Variants in FER1L6 observed in about 807,000 individuals in gnomAD.
FER1L6 encodes fer-1 like family member 6.
FER1L6 carries 177 observed loss-of-function variants against 219.2 expected under a neutral mutation model. The ratio of observed to expected loss-of-function variants is 0.81; its 90% CI spans 0.71 to 0.91. FER1L6 has a LOEUF of 0.91. Ranked by LOEUF, FER1L6 falls within the 40% of genes least tolerant of loss-of-function variation. The pLI, the probability that FER1L6 is intolerant of heterozygous loss-of-function variation, is 0.00. For missense variants in FER1L6, 2,153 were observed against 2,259.9 expected (o/e 0.95, Z 0.96); for synonymous variants, 768 against 824.3 (o/e 0.93, Z 1.17).
At chr8:123,957,820 G>C (rs1055563109) in intron 2 of FER1L6, among the ~76,000 whole-genome samples, 1 of 152,152 alleles carries the variant, frequency 6.6e-6, no homozygotes, top group African/African-American at 2.4e-5. Flanking sequence ...AACAGGGCAG[G>C]GAGGAATCAG....
At chr8:123,930,402 G>A (rs1334673402) in intron 1 of FER1L6, among the ~76,000 whole-genome samples, 1 of 151,392 alleles carries the variant, frequency 6.6e-6, no homozygotes, top group Non-Finnish European at 1.5e-5. Flanking sequence ...TAATATATTT[G>A]TGTTATATGA....
intron 1 of FER1L6, among the ~76,000 whole-genome samples, chr8:123,870,970 G>A (rs1816913694): frequency 6.6e-6 from 1 of 152,134 alleles, no homozygotes; most frequent in Non-Finnish European, 1.5e-5. Flanking sequence ...TGATAAAGTT[G>A]TTTCCCATGG....
At chr8:124,101,768 T>A (rs889808639) in intron 38 of FER1L6, among the ~76,000 whole-genome samples, 1 of 152,202 alleles carries the variant, frequency 6.6e-6, no homozygotes, top group South Asian at 2.1e-4. Flanking sequence ...TAGAAGTTTA[T>A]TTTGCCAAGA....
At chr8:124,020,300 T>C (rs1818403512) in intron 16 of FER1L6, among the ~76,000 whole-genome samples, 1 of 152,184 alleles carries the variant, frequency 6.6e-6, no homozygotes, top group Admixed American at 6.5e-5. Context: ...GTCTTGGATA[T>C]GTCTTTATTA....
At chr8:123,857,406 A>T (rs1460156040) in intron 1 of FER1L6, among the ~76,000 whole-genome samples, 1 of 152,182 alleles carries the variant, frequency 6.6e-6, no homozygotes, top group Non-Finnish European at 1.5e-5. Context: ...GCTACTCAGG[A>T]GGCTGAGGCA....
At chr8:123,993,441 C>CA (rs758672519) in intron 12 of FER1L6, among the ~76,000 whole-genome samples, 2,052 of 51,632 alleles carry the variant, frequency 0.04, 31 homozygotes, top group African/African-American at 0.065. Flanking sequence ...GACTCCGTCT[C>CA]AAAAAAAAAA....
chr8:123,898,814 T>G (rs188756381), intron 1 of FER1L6, among the ~76,000 whole-genome samples: 4 of 144,012 alleles, frequency 2.8e-5, no homozygotes, highest in African/African-American at 1.0e-4. Context: ...CACATATATA[T>G]ACATATGTGT....
chr8:123,897,613 T>C (rs886209210), intron 1 of FER1L6, among the ~76,000 whole-genome samples: 1 of 152,256 alleles, frequency 6.6e-6, no homozygotes, highest in Non-Finnish European at 1.5e-5. Flanking sequence ...ATGGCACAAC[T>C]TCAAGGACAG....
chr8:123,866,335 C>T (rs150014208), intron 1 of FER1L6, among the ~76,000 whole-genome samples: 4,891 of 151,188 alleles, frequency 0.032, 262 homozygotes, highest in African/African-American at 0.11. Flanking sequence ...ATATACACTA[C>T]GTATATAAAA....
chr8:124,068,295 T>C (rs1014920496), intron 28 of FER1L6, among the ~76,000 whole-genome samples: 2 of 152,190 alleles, frequency 1.3e-5, no homozygotes, highest in African/African-American at 4.8e-5. Context: ...CATTTGACGA[T>C]GATAGAAGTG....
Position 124,097,851 on chromosome 8 carries a change from A to G in FER1L6, c.4851A>G (p.Thr1617=), listed in dbSNP as rs1031567113. Residue 1617 remains threonine (T), a synonymous_variant, in exon 37 of 41, where the codon ACA becomes ACG. Coordinates refer to ENST00000522917, the MANE Select transcript of FER1L6 (RefSeq NM_001039112.2). ...TTTTAGAGGATGAGAATATCTTCACAGGCCAAAAATCAAGTGATATTTATG... is the reference window on the plus strand; with the variant it reads ...TTTTAGAGGATGAGAATATCTTCACGGGCCAAAAATCAAGTGATATTTATG... ...DVILEDENIF[T]GQKSSDIYVK... is the part of the protein sequence containing the mutation. 1 of 1,601,754 alleles carries G rather than the reference A, an allele frequency of 6.2e-7. No individual in the cohort carries two copies. Among genetic ancestry groups the G allele is most frequent in the Non-Finnish European group, 8.6e-7 (1 of 1,168,710 alleles).
chr8:123,970,413 A>G (rs1479770395), intron 6 of FER1L6, among the ~76,000 whole-genome samples: 1 of 152,106 alleles, frequency 6.6e-6, no homozygotes, highest in African/African-American at 2.4e-5. Context: ...ATGCATTGTC[A>G]GTTTTAGTTT....
At chr8:123,900,251 G>T (rs4870874) in intron 1 of FER1L6, among the ~76,000 whole-genome samples, 32,253 of 151,726 alleles carry the variant, frequency 0.21, 3,802 homozygotes, top group East Asian at 0.43. Context: ...ATATATATTT[G>T]CAGCTATTCT....
chr8:124,061,036 CTA>C (rs1438110489), intron 24 of FER1L6, among the ~76,000 whole-genome samples: 1 of 152,202 alleles, frequency 6.6e-6, no homozygotes, highest in Non-Finnish European at 1.5e-5. Context: ...GAGTTAGAAA[CTA>C]TTGCAGGGAA....
intron 32 of FER1L6, among the ~76,000 whole-genome samples, chr8:124,080,111 T>C (rs73330149): frequency 0.035 from 5,264 of 152,206 alleles, 287 homozygotes; most frequent in African/African-American, 0.12. Context: ...AAAGAATGAA[T>C]GAATGACCAA....
At chr8:123,932,342 C>A (rs541508567) in intron 1 of FER1L6, among the ~76,000 whole-genome samples, 4 of 152,310 alleles carry the variant, frequency 2.6e-5, no homozygotes, top group Non-Finnish European at 4.4e-5. Flanking sequence ...CTCCTGACCT[C>A]AGGTGATCCA....
rs1400825574 is a variant in FER1L6, at chr8:124,053,716, G to C, written c.2874+3960G>C. ...TCTACAAAACATAAAAATTCAGCCG[G>C]GTGTGATGGCACATGCTCATGGTGC... On this transcript the variant is annotated intron_variant, in intron 22 of 40. Transcript: ENST00000522917. 2.0e-5 allele frequency among the ~76,000 whole-genome samples: 3 copies of C among 152,184 alleles called. No homozygotes were observed. In the East Asian group the frequency reaches 5.8e-4, roughly 29 times the overall value.
chr8:123,958,246 C>T (rs1351357453), intron 2 of FER1L6, among the ~76,000 whole-genome samples: 2 of 152,192 alleles, frequency 1.3e-5, no homozygotes, highest in Admixed American at 6.5e-5. Context: ...CTGTTCAGGA[C>T]TCTTCTGTTT....
rs372204835 is a variant in FER1L6, at chr8:124,119,480, C to T, written c.5391-127C>T. On this transcript the variant is annotated intron_variant, in intron 40 of 40. Transcript: ENST00000522917. ...CTCCTGCTTCAGGCAACATGCTCTTCTCCCATTTTCAGGGCTCTCCCTATG... is the reference window on the plus strand; with the variant it reads ...CTCCTGCTTCAGGCAACATGCTCTTTTCCCATTTTCAGGGCTCTCCCTATG... 812 of 685,464 alleles carry T rather than the reference C, an allele frequency of 1.2e-3. 3 individuals are homozygous for T. The highest frequency in any genetic ancestry group is 2.1e-3 in the Middle Eastern group (6 of 2,888). The allele number at this position is 685,464 out of a possible 1,614,324, so 42.5% of individuals were successfully genotyped here. A position where few individuals can be genotyped will look rare whatever the true frequency, so the allele number is the denominator to read the frequency against.
Sources: allele counts gnomAD v4.1 joint callset (sites outside exome capture counted in the v4.1 genomes callset), GRCh38; gene constraint gnomAD v4.1.1; transcripts MANE v1.5; gene names NCBI Gene and HGNC (gene_info 2026-07-23, HGNC 2026-07-21).